ARFGEF1: variants seen among roughly 807,000 people sequenced by gnomAD.
ARFGEF1 encodes ARF guanine nucleotide exchange factor 1, also known as brefeldin A-inhibited guanine nucleotide-exchange protein 1.
ARFGEF1 carries 42 observed loss-of-function variants against 231.0 expected under a neutral mutation model. That is an observed-to-expected ratio of 0.18 (90% CI 0.14 to 0.24). The LOEUF (loss-of-function observed/expected upper bound fraction) is 0.24. Ranked by LOEUF, ARFGEF1 falls within the 10% of genes least tolerant of loss-of-function variation. The pLI is 1.00. For synonymous variants in ARFGEF1, 710 were observed against 732.3 expected (o/e 0.97, Z 0.49); for missense variants, 1,345 against 2,192.0 (o/e 0.61, Z 7.72).
chr8:67,219,716 GAAC>G (rs1385962300), intron 29 of ARFGEF1, among the ~76,000 whole-genome samples, 156 bp from the exon 30 acceptor site: 1 of 152,016 alleles, frequency 6.6e-6, no homozygotes, highest in Non-Finnish European at 1.5e-5. Context: ...TAAGTTGTAA[GAAC>G]AACAGGTTCC....
chr8:67,218,191 TA>T (rs10719102), intron 30 of ARFGEF1, 53 bp from the exon 31 acceptor site: 5,057 of 153,534 alleles, frequency 0.033, 269 homozygotes, highest in South Asian at 0.074. Context: ...CTACTATGAT[TA>T]AAAAAAAAAA....
At chr8:67,175,282 A>AT (rs749633996), downstream of ARFGEF1, 12 of 1,594,146 alleles carry the variant, frequency 7.5e-6, no homozygotes, top group East Asian at 1.3e-4. Flanking sequence ...TATATAACAT[A>AT]TTTTTTATAC....
intron 17 of ARFGEF1, among the ~76,000 whole-genome samples, chr8:67,256,834 T>A (rs545491727): frequency 2.6e-5 from 4 of 152,342 alleles, no homozygotes; most frequent in African/African-American, 4.8e-5. Flanking sequence ...CAGGTATTTT[T>A]AAATTATTGT....
chr8:67,209,700 AG>A, intron 34 of ARFGEF1, among the ~76,000 whole-genome samples: 1 of 152,168 alleles, frequency 6.6e-6, no homozygotes, highest in Non-Finnish European at 1.5e-5. Flanking sequence ...CCAGTAAAAA[AG>A]TAAAGGGTTC....
At chr8:67,192,511 G>A (rs549397814) in intron 5 of ARFGEF1, among the ~76,000 whole-genome samples, 10 of 152,110 alleles carry the variant, frequency 6.6e-5, no homozygotes, top group East Asian at 1.9e-4. Flanking sequence ...TTTCTTGATG[G>A]TGTTCTTTGA....
At position 67,219,525 on chromosome 8, in the gene ARFGEF1, T is replaced by C. The variant is rs1254196396; in HGVS notation, c.4244A>G (p.Tyr1415Cys). The C allele has an allele frequency of 1.2e-6, 2 of 1,609,988 alleles. No individual in the cohort carries two copies. Among genetic ancestry groups the C allele is most frequent in the African/African-American group, 1.3e-5 (1 of 74,978 alleles). ...LTVMFEIMKT[Y>C]GHTYEKHWWQ... ...CCAGTGTTTCTCATAAGTGTGGCCA[T>C]ATGTTTTCATTATTTCAAACATTAC... is the stretch of plus-strand genomic sequence containing the variant. Residue 1415 changes from tyrosine to cysteine, a missense_variant, in exon 30 of 39, where the codon TAT becomes TGT. Tyr to Cys is a radical substitution (Grantham distance 194). Transcript: ENST00000262215.
intron 18 of ARFGEF1, among the ~76,000 whole-genome samples, chr8:67,252,456 C>A (rs193073219): frequency 2.6e-3 from 391 of 152,130 alleles, no homozygotes; most frequent in Non-Finnish European, 3.7e-3. Flanking sequence ...TTATTTCCTA[C>A]CACCATATAT....
intron 38 of ARFGEF1, chr8:67,199,316 TTTG>T (rs1207164037): frequency 4.3e-6 from 2 of 465,866 alleles, no homozygotes; most frequent in African/African-American, 4.1e-5. Flanking sequence ...TTGAAAAACA[TTTG>T]TCTGTATATC....
At position 67,253,640 on chromosome 8, in the gene ARFGEF1, T is replaced by C. The variant is rs1840365984; in HGVS notation, c.2527-18A>G. The C allele has an allele frequency of 1.5e-6, 2 of 1,311,586 alleles. No homozygotes were observed. Among genetic ancestry groups the C allele is most frequent in the Non-Finnish European group, 2.1e-6 (2 of 973,008 alleles). 81.2% of individuals were successfully genotyped at this position (1,311,586 alleles called of 1,614,324 possible). On this transcript the variant is annotated intron_variant, in intron 17 of 38. Transcript: ENST00000262215. ...TTTTTCACCTAGATATGAAAAACCA[T>C]TATAATTCCTAAAAATTAACATAAA...
chr8:67,205,630 T>C (rs951994119), intron 34 of ARFGEF1, among the ~76,000 whole-genome samples: 2 of 151,646 alleles, frequency 1.3e-5, no homozygotes, highest in African/African-American at 4.8e-5. Context: ...GCCGAGGCAG[T>C]TGAATCACCT....
chr8:67,210,154 C>CAAAAAA (rs59530693), intron 34 of ARFGEF1, among the ~76,000 whole-genome samples: 3 of 53,872 alleles, frequency 5.6e-5, no homozygotes, highest in Non-Finnish European at 1.2e-4. Context: ...GACTCCGTCT[C>CAAAAAA]AAAAAAAAAA....
chr8:67,195,615 G>A (rs1316866752), downstream of ARFGEF1: 1 of 1,603,274 alleles, frequency 6.2e-7, no homozygotes, highest in South Asian at 1.1e-5. Flanking sequence ...ACTGGACCCA[G>A]TAGTGCCTTT....
chr8:67,241,962 A>C (rs1207764665), intron 19 of ARFGEF1, among the ~76,000 whole-genome samples: 1 of 152,198 alleles, frequency 6.6e-6, no homozygotes, highest in Non-Finnish European at 1.5e-5. Flanking sequence ...ATCCTGTCAC[A>C]GTAGAAAGCA....
chr8:67,236,856 T>C (rs1839787032), intron 22 of ARFGEF1, among the ~76,000 whole-genome samples: 1 of 152,238 alleles, frequency 6.6e-6, no homozygotes, highest in African/African-American at 2.4e-5. Flanking sequence ...AGACAGTTCA[T>C]CTCATATCCT....
rs1806372357 is a variant in ARFGEF1, at chr8:67,299,287, A to G, written c.381T>C (p.Ile127=). The change falls in exon 4 of 39, where the codon ATT becomes ATC. Residue 127 remains isoleucine (I), a synonymous_variant. Transcript: ENST00000262215. ...PDSTTPGKKL[I]DRIIETICGC... Reference sequence around the variant, plus strand: ...CACATATTGTTTCAATAATTCTATCAATTAATTTTTTGCCTGGTGTTGTAC... The same window carrying G: ...CACATATTGTTTCAATAATTCTATCGATTAATTTTTTGCCTGGTGTTGTAC... 6.2e-7 allele frequency: 1 copy of G among 1,609,940 alleles called. No homozygotes were observed. Among genetic ancestry groups the G allele is most frequent in the South Asian group, 1.1e-5 (1 of 90,390 alleles).
chr8:67,193,143 TAG>T (rs1491212692), downstream of ARFGEF1, among the ~76,000 whole-genome samples: 9 of 152,132 alleles, frequency 5.9e-5, no homozygotes, highest in Non-Finnish European at 1.3e-4. Context: ...TTTTTTGAGA[TAG>T]AGTCTCTGTC....
At chr8:67,219,877 T>C (rs760384227) in intron 29 of ARFGEF1, among the ~76,000 whole-genome samples, 1 of 152,192 alleles carries the variant, frequency 6.6e-6, no homozygotes, top group Non-Finnish European at 1.5e-5. Flanking sequence ...ACCGTTTGAG[T>C]GAATATTAAT....
chr8:67,206,072 A>C lies in ARFGEF1; in HGVS notation c.4820-1253T>G, dbSNP rs573399907. 7.2e-5 allele frequency among the ~76,000 whole-genome samples: 11 copies of C among 152,136 alleles called. No individual in the cohort carries two copies. In the South Asian group the frequency reaches 2.3e-3, roughly 32 times the overall value. On this transcript the variant is annotated intron_variant, in intron 34 of 38. Transcript: ENST00000262215. ...CAGATTCGTAGTTGTGACTGAAATT[A>C]CCTCTTATTTTCAAAGACATCCATC...
rs1466244029 is a variant in ARFGEF1 at position 67,218,079 on chromosome 8, G to A, written c.4398C>T (p.Phe1466=). ...CACTGAGTACTTCTAAATACTGAGT[G>A]AATACATCACAGATTGCATAAAGTG... ...NHALYAICDV[F]TQYLEVLSDV... Residue 1466 remains phenylalanine, a synonymous_variant, in exon 31 of 39, where the codon TTC becomes TTT. Transcript: ENST00000262215. The A allele has an allele frequency of 1.2e-6, 2 of 1,603,588 alleles. No individual in the cohort carries two copies. Among genetic ancestry groups the A allele is most frequent in the Admixed American group, 3.4e-5 (2 of 58,684 alleles).
Sources: gnomAD v4.1 joint callset for allele counts (sites outside exome capture counted in the v4.1 genomes callset) on GRCh38, gnomAD v4.1.1 for gene constraint, MANE v1.5 for transcripts, NCBI Gene and HGNC (gene_info 2026-07-23, HGNC 2026-07-21) for gene names.